The following PTPRM variants were observed in gnomAD, a reference collection of about 807,000 sequenced individuals.
PTPRM encodes receptor-type tyrosine-protein phosphatase mu.
In PTPRM, 47 loss-of-function variants were observed where a neutral mutation model predicts 186.7. The ratio of observed to expected loss-of-function variants is 0.25; its 90% CI spans 0.20 to 0.32. PTPRM has a LOEUF of 0.32. Ranked by LOEUF, PTPRM falls within the 10% of genes least tolerant of loss-of-function variation. The pLI, the probability that PTPRM is intolerant of heterozygous loss-of-function variation, is 1.00. For missense variants in PTPRM, 1,494 were observed against 1,865.0 expected, an observed-to-expected ratio of 0.80 and a Z score of 3.66; for synonymous variants, 668 against 674.9, an observed-to-expected ratio of 0.99 and a Z score of 0.16.
intron 17 of PTPRM, among the ~76,000 whole-genome samples, chr18:8,249,898 G>A (rs2094511610): frequency 1.3e-5 from 2 of 152,090 alleles, no homozygotes; most frequent in Non-Finnish European, 2.9e-5. Flanking sequence ...GCTTATATAG[G>A]TACCAAATGG....
chr18:7,669,721 C>A (rs976500308), intron 1 of PTPRM, among the ~76,000 whole-genome samples: 1 of 151,860 alleles, frequency 6.6e-6, no homozygotes, highest in Non-Finnish European at 1.5e-5. Context: ...TGCATGCTAT[C>A]TTTTACTTTA....
At chr18:7,718,357 A>G (rs1399104735) in intron 1 of PTPRM, among the ~76,000 whole-genome samples, 2 of 152,226 alleles carry the variant, frequency 1.3e-5, no homozygotes, top group Non-Finnish European at 2.9e-5. Flanking sequence ...CTGGTAAGCC[A>G]CATGTAGAAG....
chr18:7,792,920 C>A (rs1235419711), intron 2 of PTPRM, among the ~76,000 whole-genome samples: 1 of 152,118 alleles, frequency 6.6e-6, no homozygotes, highest in Non-Finnish European at 1.5e-5. Flanking sequence ...CCACCTTGGC[C>A]TCCCAGATAT....
intron 23 of PTPRM, among the ~76,000 whole-genome samples, chr18:8,349,733 A>G (rs1349308797): frequency 6.6e-6 from 1 of 152,202 alleles, no homozygotes; most frequent in Non-Finnish European, 1.5e-5. Flanking sequence ...TCAGGCTTGA[A>G]AACAAATTTC....
At chr18:8,200,538 GTC>G (rs2093840881) in intron 14 of PTPRM, among the ~76,000 whole-genome samples, 1 of 152,236 alleles carries the variant, frequency 6.6e-6, no homozygotes, top group South Asian at 2.1e-4. Context: ...GGAAGTTGGA[GTC>G]TCTGTTCTGG....
intron 1 of PTPRM, among the ~76,000 whole-genome samples, chr18:7,611,581 A>T (rs1383128889): frequency 6.6e-6 from 1 of 152,206 alleles, no homozygotes; most frequent in Non-Finnish European, 1.5e-5. Flanking sequence ...CTAGGGGTAT[A>T]GTAGGCTTGA....
At chr18:8,283,815 G>T (rs1354252139) in intron 19 of PTPRM, among the ~76,000 whole-genome samples, 1 of 152,006 alleles carries the variant, frequency 6.6e-6, no homozygotes, top group East Asian at 1.9e-4. Context: ...TCGAGGTGGG[G>T]TCTCGCTATG....
chr18:8,314,738 T>C (rs2095295728), intron 20 of PTPRM, 43 bp from the exon 21 acceptor site: 2 of 1,484,848 alleles, frequency 1.3e-6, no homozygotes, highest in East Asian at 2.3e-5. Context: ...ACCTACCAGA[T>C]TGCTTTTGTT....
intron 14 of PTPRM, among the ~76,000 whole-genome samples, chr18:8,222,829 C>T (rs774649758): frequency 6.6e-6 from 1 of 152,174 alleles, no homozygotes; most frequent in East Asian, 1.9e-4. Flanking sequence ...GTGGTTTGCA[C>T]CTTTAATCCC....
intron 23 of PTPRM, among the ~76,000 whole-genome samples, chr18:8,355,994 G>A (rs1043905889): frequency 3.3e-5 from 5 of 152,134 alleles, no homozygotes; most frequent in Admixed American, 6.5e-5. Context: ...CTCATCCCTC[G>A]CTGTCCAGGG....
At chr18:8,232,830 G>T (rs749897861) in intron 14 of PTPRM, among the ~76,000 whole-genome samples, 3 of 152,204 alleles carry the variant, frequency 2.0e-5, no homozygotes, top group Admixed American at 6.5e-5. Flanking sequence ...GAAGGGGTCA[G>T]GGGGCACCTT....
intron 2 of PTPRM, among the ~76,000 whole-genome samples, chr18:7,875,020 C>T (rs2048167683): frequency 6.6e-6 from 1 of 151,996 alleles, no homozygotes; most frequent in Non-Finnish European, 1.5e-5. Context: ...TGGTGAAACC[C>T]CGTCTCTACT....
chr18:7,760,975 A>G (rs2041742904), intron 1 of PTPRM, among the ~76,000 whole-genome samples: 1 of 152,186 alleles, frequency 6.6e-6, no homozygotes, highest in Non-Finnish European at 1.5e-5. Flanking sequence ...CTCTCAGCAG[A>G]TCTGTTCTCT....
chr18:7,819,421 A>T (rs2045055441), intron 2 of PTPRM, among the ~76,000 whole-genome samples: 1 of 43,910 alleles, frequency 2.3e-5, no homozygotes, highest in Admixed American at 4.2e-4. Flanking sequence ...ACACCGACAA[A>T]AGAGCACACC....
At chr18:8,391,280 A>G (rs2095810555) in intron 31 of PTPRM, among the ~76,000 whole-genome samples, 1 of 152,208 alleles carries the variant, frequency 6.6e-6, no homozygotes, top group African/African-American at 2.4e-5. Context: ...GCAGAAATGA[A>G]TCATCTACCA....
intron 1 of PTPRM, among the ~76,000 whole-genome samples, chr18:7,684,079 C>T (rs543604268): frequency 6.6e-6 from 1 of 152,182 alleles, no homozygotes; most frequent in Admixed American, 6.5e-5. Context: ...AGAAAGCGCT[C>T]CACTGAGAAC....
intron 4 of PTPRM, among the ~76,000 whole-genome samples, chr18:7,915,721 C>T (rs983352023): frequency 6.6e-6 from 1 of 152,070 alleles, no homozygotes; most frequent in Non-Finnish European, 1.5e-5. Flanking sequence ...TGCATATATT[C>T]GGAGATAATA....
chr18:8,252,473 G>C lies in PTPRM; in HGVS notation c.2555-15G>C. 6.5e-7 allele frequency: 1 copy of C among 1,536,828 alleles called. No individual in the cohort carries two copies. On this transcript the variant is annotated splice_polypyrimidine_tract_variant and intron_variant, in intron 17 of 32. Coordinates refer to ENST00000580170, the MANE Select transcript of PTPRM (RefSeq NM_001105244.2). Reference sequence around the variant, plus strand: ...TTCTCCTCCTTTTTTCTCCTGATATGTATCTTCTTAAAAGTGCCAATAAAT... The same window carrying C: ...TTCTCCTCCTTTTTTCTCCTGATATCTATCTTCTTAAAAGTGCCAATAAAT...
At chr18:7,569,249 GT>G (rs1490030241) in intron 1 of PTPRM, among the ~76,000 whole-genome samples, 1 of 152,188 alleles carries the variant, frequency 6.6e-6, no homozygotes, top group Non-Finnish European at 1.5e-5. Context: ...GTTGTGTCTT[GT>G]GTGTTGCTGA....
Sources: gnomAD v4.1 joint callset for allele counts (sites outside exome capture counted in the v4.1 genomes callset) on GRCh38, gnomAD v4.1.1 for gene constraint, MANE v1.5 for transcripts, NCBI Gene and HGNC (gene_info 2026-07-23, HGNC 2026-07-21) for gene names.